SPATA20: variants seen among roughly 807,000 people sequenced by gnomAD.
The protein encoded by SPATA20 is spermatogenesis associated 20.
In SPATA20, 74 loss-of-function variants were observed where a neutral mutation model predicts 98.9. The observed-to-expected ratio is 0.75, with a 90% CI of 0.62 to 0.91. The LOEUF (loss-of-function observed/expected upper bound fraction) is 0.91. SPATA20 is among the 40% of genes least tolerant of loss of function. The probability of loss-of-function intolerance (pLI) is 0.00; values close to 1 mark genes in which losing one functional copy is unlikely to be tolerated. For synonymous variants in SPATA20, 430 were observed against 440.5 expected (o/e 0.98, Z 0.30); for missense variants, 1,016 against 1,069.8 (o/e 0.95, Z 0.70).
In SPATA20 at chr17:50,549,151, G is replaced by T. The variant is rs760302048; in HGVS notation, c.625G>T (p.Gly209Cys). 1 of 1,608,558 alleles carries T rather than the reference G, an allele frequency of 6.2e-7. No homozygotes were observed. Among genetic ancestry groups the T allele is most frequent in the African/African-American group, 1.3e-5 (1 of 74,888 alleles). The change falls in exon 6 of 17, where the codon GGC becomes TGC. Residue 209 changes from glycine (G) to cysteine (C), a missense_variant. Coordinates refer to ENST00000006658, the MANE Select transcript of SPATA20 (RefSeq NM_022827.4). ...FPPEDGLTRV[G>C]FRTVLLRIRE... ...TCCTGAGGATGGCTTGACCCGAGTC[G>T]GCTTCCGCACAGTGTTGCTGAGAAT...
intron 15 of SPATA20, among the ~76,000 whole-genome samples, chr17:50,554,939 T>C (rs2035084558): frequency 6.6e-6 from 1 of 151,088 alleles, no homozygotes; most frequent in African/African-American, 2.4e-5. Flanking sequence ...GACTACTCTG[T>C]GTCTGTCTGA....
At position 50,555,498 on chromosome 17, in the gene SPATA20, A is replaced by T; in HGVS notation, c.2245A>T (p.Ile749Phe). The T allele has an allele frequency of 6.2e-7, 1 of 1,613,834 alleles. No homozygotes were observed. Among genetic ancestry groups the T allele is most frequent in the Non-Finnish European group, 8.5e-7 (1 of 1,179,930 alleles). Residue 749 changes from isoleucine (I) to phenylalanine (F), a missense_variant, in exon 17 of 17, where the codon ATT (isoleucine) becomes TTT (phenylalanine). Coordinates refer to ENST00000006658, the MANE Select transcript of SPATA20 (RefSeq NM_022827.4). ...TGCTCTGCTGCTGCCCTAGGTGCTGATTCTGGCTGATGGGGACCCCTCGAG... is the reference window on the plus strand; with the variant it reads ...TGCTCTGCTGCTGCCCTAGGTGCTGTTTCTGGCTGATGGGGACCCCTCGAG... The part of the protein sequence containing the change: ...HSVYIPNKVL[I>F]LADGDPSSFL...
chr17:50,553,829 G>T (rs1225400128), intron 14 of SPATA20, among the ~76,000 whole-genome samples: 1 of 152,188 alleles, frequency 6.6e-6, no homozygotes, highest in Non-Finnish European at 1.5e-5. Context: ...ATTGGTGAAG[G>T]CTCAGAGGAT....
intron 7 of SPATA20, 97 bp downstream of exon 7, chr17:50,549,584 GTCC>G (rs1329355208): frequency 7.7e-7 from 1 of 1,293,098 alleles, no homozygotes; most frequent in African/African-American, 1.5e-5. Context: ...ATAGCTTCCT[GTCC>G]TCCTGACTGG....
rs2035018483 is a variant in SPATA20, at chr17:50,551,662, G to A, written c.1728G>A (p.Gly576=). 6.3e-7 allele frequency: 1 copy of A among 1,590,964 alleles called. No homozygotes were observed. Among genetic ancestry groups the A allele is most frequent in the East Asian group, 2.3e-5 (1 of 44,142 alleles). The part of the protein sequence containing the change: ...RLMRTCYTGP[G]GTVEHSNPPC... Reference sequence around the variant, plus strand: ...TGCGGACCTGCTACACCGGCCCTGGGGGGACTGTGGAGCACAGGTTGGGGG... The same window carrying A: ...TGCGGACCTGCTACACCGGCCCTGGAGGGACTGTGGAGCACAGGTTGGGGG... Residue 576 remains glycine, a synonymous_variant, in exon 13 of 17, where the codon GGG becomes GGA. Coordinates refer to ENST00000006658, the MANE Select transcript of SPATA20 (RefSeq NM_022827.4).
rs111809462 is a variant in SPATA20 at position 50,550,121 on chromosome 17, G to C, written c.993+6G>C. 7 of 1,612,946 alleles carry C rather than the reference G, an allele frequency of 4.3e-6. No homozygotes were observed. The highest frequency in any genetic ancestry group is 1.7e-5 in the Admixed American group (1 of 60,014). The stretch of plus-strand genomic sequence containing the variant: ...TCCGGGACCATGTGGGGCAGGTGAC[G>C]GGCACTGGGTGTTCCCTGGAGGGGC... On this transcript the variant is annotated splice_donor_region_variant and intron_variant, in intron 8 of 16. Coordinates refer to ENST00000006658, the MANE Select transcript of SPATA20 (RefSeq NM_022827.4).
In SPATA20 at chr17:50,555,283, T is replaced by G; in HGVS notation, c.2209T>G (p.Cys737Gly). 6.2e-7 allele frequency: 1 copy of G among 1,614,026 alleles called. No homozygotes were observed. Among genetic ancestry groups the G allele is most frequent in the East Asian group, 2.2e-5 (1 of 44,882 alleles). ...QAKDTKALVQ[C>G]VHSVYIPNKV... The stretch of plus-strand genomic sequence containing the variant: ...CAAGGACACCAAGGCCCTGGTGCAG[T>G]GCGTCCACTCTGTCTACATTCCTAA... Residue 737 changes from cysteine (C) to glycine (G), a missense_variant, in exon 16 of 17, where the codon TGC becomes GGC. Cys to Gly is a radical substitution (Grantham distance 159, BLOSUM62 -3). Coordinates refer to ENST00000006658, the MANE Select transcript of SPATA20 (RefSeq NM_022827.4).
intron 2 of SPATA20, 174 bp downstream of exon 2, chr17:50,547,941 G>T: frequency 6.6e-7 from 1 of 1,509,956 alleles, no homozygotes; most frequent in Non-Finnish European, 8.9e-7. Context: ...GCTCCAGGAA[G>T]GGCCGGGGGA....
At position 50,550,751 on chromosome 17, in the gene SPATA20, A is replaced by T. The variant is rs778321453; in HGVS notation, c.1217A>T (p.Glu406Val). The T allele has an allele frequency of 6.2e-7, 1 of 1,613,112 alleles. No homozygotes were observed. Among genetic ancestry groups the T allele is most frequent in the African/African-American group, 1.3e-5 (1 of 75,066 alleles). The change falls in exon 11 of 17, where the codon GAG (glutamate) becomes GTG (valine). Residue 406 changes from glutamate (E) to valine (V), a missense_variant. Coordinates refer to ENST00000006658, the MANE Select transcript of SPATA20 (RefSeq NM_022827.4). ...GCAGAAGATGCAGACTCGCCCCCAG[A>T]GCGGGGCCAGCGGCCCAAAGAGGGC... is the stretch of plus-strand genomic sequence containing the variant. The part of the protein sequence containing the change: ...YSAEDADSPP[E>V]RGQRPKEGAY...
chr17:50,548,366 C>T lies in SPATA20; in HGVS notation c.209C>T (p.Pro70Leu). The T allele has an allele frequency of 6.2e-7, 1 of 1,613,982 alleles. No individual in the cohort carries two copies. The highest frequency in any genetic ancestry group is 8.5e-7 in the Non-Finnish European group (1 of 1,179,962). The change falls in exon 3 of 17, where the codon CCT (proline) becomes CTT (leucine). Residue 70 changes from proline (P) to leucine (L), a missense_variant. Physicochemically the swap from Pro to Leu is moderately conservative, Grantham distance 98 (BLOSUM62 -3). Transcript: ENST00000006658. The part of the protein sequence containing the change: ...PMPAGGKGSH[P>L]SSTPQRVPNR... ...CCTGCTGGAGGGAAAGGAAGCCATC[C>T]TTCATCTACACCCCAGAGGGTCCCC...
rs756310343 is a variant in SPATA20 at position 50,554,399 on chromosome 17, G to A, written c.2106G>A (p.Ala702=). The A allele has an allele frequency of 3.7e-5, 60 of 1,613,770 alleles. No individual in the cohort carries two copies. The highest frequency in any genetic ancestry group is 4.0e-5 in the African/African-American group (3 of 74,924). ...FSERMRRVPV[A]LPEMVRALSA... is the part of the protein sequence containing the mutation. ...AGCGCATGCGTCGTGTCCCGGTGGC[G>A]TTGCCCGAGATGGTCCGCGCCCTCT... The change falls in exon 15 of 17, where the codon GCG becomes GCA. Residue 702 remains alanine (A), a synonymous_variant. Coordinates refer to ENST00000006658, the MANE Select transcript of SPATA20 (RefSeq NM_022827.4).
chr17:50,551,356 A>T, intron 12 of SPATA20, 155 bp from the exon 13 acceptor site: 8 of 1,173,202 alleles, frequency 6.8e-6, no homozygotes, highest in Non-Finnish European at 9.5e-6. Context: ...GGTCACGCGC[A>T]AGGGCTGGGA....
Position 50,550,066 on chromosome 17 carries a change from A to G in SPATA20, c.944A>G (p.His315Arg). Residue 315 changes from histidine (H) to arginine (R), a missense_variant, in exon 8 of 17, where the codon CAT becomes CGT. His to Arg is a conservative substitution (Grantham distance 29). Coordinates refer to ENST00000006658, the MANE Select transcript of SPATA20 (RefSeq NM_022827.4). ...DGSRAQQMAL[H>R]TLKMMANGGI... ...TCTCGGGCCCAGCAGATGGCCTTGC[A>G]TACCCTGAAAATGATGGCTAACGGG... The G allele has an allele frequency of 5.6e-6, 9 of 1,611,340 alleles. No homozygotes were observed. Among genetic ancestry groups the G allele is most frequent in the Non-Finnish European group, 7.6e-6 (9 of 1,178,300 alleles).
Position 50,555,830 on chromosome 17 carries a change from A to C in SPATA20, c.*168A>C. 1 of 583,922 alleles carries C rather than the reference A, an allele frequency of 1.7e-6. No individual in the cohort carries two copies. The highest frequency in any genetic ancestry group is 3.0e-6 in the Non-Finnish European group (1 of 338,160). The allele number at this position is 583,922 out of a possible 1,614,324, so 36.2% of individuals were successfully genotyped here. Reference sequence around the variant, plus strand: ...TTGGGCACCCACTCACCCTAGAATAAACTTAACAGTGTCCCGTGGTAACCT... The same window carrying C: ...TTGGGCACCCACTCACCCTAGAATACACTTAACAGTGTCCCGTGGTAACCT... On this transcript the variant is annotated 3_prime_UTR_variant, in exon 17 of 17. Transcript: ENST00000006658.
rs116451719 is a variant in SPATA20, at chr17:50,550,465, A to T, written c.1099-71A>T. The T allele has an allele frequency of 1.2e-3, 1,776 of 1,500,662 alleles. 28 individuals are homozygous for T. The African/African-American group carries it at 0.021, about 18-fold the overall frequency. The allele number at this position is 1,500,662 out of a possible 1,614,324, so 93.0% of individuals were successfully genotyped here. ...TTCCCTCCCCCGCCTGCCTCAGAGAATGTTGCCACCTTCCACCTGGGCCTC... is the reference window on the plus strand; with the variant it reads ...TTCCCTCCCCCGCCTGCCTCAGAGATTGTTGCCACCTTCCACCTGGGCCTC... On this transcript the variant is annotated intron_variant, in intron 9 of 16. Coordinates refer to ENST00000006658, the MANE Select transcript of SPATA20 (RefSeq NM_022827.4).
chr17:50,553,997 A>G (rs1407919904), intron 14 of SPATA20, among the ~76,000 whole-genome samples: 2 of 152,222 alleles, frequency 1.3e-5, no homozygotes, highest in African/African-American at 2.4e-5. Flanking sequence ...GGACAGAGGC[A>G]TCAGCAGCGA....
intron 4 of SPATA20, 23 bp from the exon 5 acceptor site, chr17:50,548,787 C>T (rs765224330): frequency 8.7e-6 from 14 of 1,604,060 alleles, no homozygotes; most frequent in Non-Finnish European, 1.2e-5. Context: ...GGCCCCCTGA[C>T]CTCTCCCCAT....
At chr17:50,549,248 C>G (rs758305326) in intron 6 of SPATA20, 38 bp from the exon 7 acceptor site, 1 of 1,602,544 alleles carries the variant, frequency 6.2e-7, no homozygotes, top group East Asian at 2.2e-5. Flanking sequence ...GAGCCCCTCC[C>G]CCTAGCTGAC....
At position 50,550,915 on chromosome 17, in the gene SPATA20, C is replaced by G; in HGVS notation, c.1381C>G (p.Gln461Glu). The G allele has an allele frequency of 6.2e-7, 1 of 1,612,890 alleles. No individual in the cohort carries two copies. The highest frequency in any genetic ancestry group is 8.5e-7 in the Non-Finnish European group (1 of 1,179,880). Residue 461 changes from glutamine to glutamate, a missense_variant and splice_region_variant, in exon 11 of 17, where the codon CAG becomes GAG. Gln to Glu is a conservative substitution (Grantham distance 29, BLOSUM62 2). Transcript: ENST00000006658. ...AGAGGCTGGTAACATCAGCCCCAGT[C>G]AGGTGAGGACTTCTGGGGTCACCTG... ...LTEAGNISPS[Q>E]DPKGELQGQN... is the part of the protein sequence containing the mutation.
Sources: allele counts gnomAD v4.1 joint callset (sites outside exome capture counted in the v4.1 genomes callset), GRCh38; gene constraint gnomAD v4.1.1; transcripts MANE v1.5; gene names NCBI Gene and HGNC (gene_info 2026-07-23, HGNC 2026-07-21).